The following SOX6 variants were observed in gnomAD, a reference collection of about 807,000 sequenced individuals.
The protein encoded by SOX6 is SRY-box transcription factor 6.
Under a neutral mutation model 97.8 loss-of-function variants are expected in SOX6, and 11 were observed. The observed-to-expected ratio is 0.11, with a 90% CI of 0.07 to 0.19. The LOEUF is 0.19. Ranked by LOEUF, SOX6 falls within the 10% of genes least tolerant of loss-of-function variation. The pLI, the probability that SOX6 is intolerant of heterozygous loss-of-function variation, is 1.00. For synonymous variants in SOX6, 360 were observed against 371.4 expected (o/e 0.97, Z 0.35); for missense variants, 810 against 1,039.5 (o/e 0.78, Z 3.04).
At chr11:16,728,483 A>G (rs2134058405) in intron 2 of SOX6, among the ~76,000 whole-genome samples, 2 of 152,352 alleles carry the variant, frequency 1.3e-5, no homozygotes, top group Middle Eastern at 6.8e-3. Flanking sequence ...CCTGCAGCAG[A>G]GGGGTCTGAC....
chr11:16,321,905 CT>C (rs1855939719), intron 2 of SOX6, among the ~76,000 whole-genome samples: 1 of 152,036 alleles, frequency 6.6e-6, no homozygotes, highest in Non-Finnish European at 1.5e-5. Flanking sequence ...AAATATTAAC[CT>C]TTCATAAGTG....
intron 1 of SOX6, among the ~76,000 whole-genome samples, chr11:16,455,210 A>G (rs950675700): frequency 6.6e-6 from 1 of 152,024 alleles, no homozygotes; most frequent in African/African-American, 2.4e-5. Flanking sequence ...TGATTTCTTT[A>G]CTTCCTTTCA....
intron 4 of SOX6, among the ~76,000 whole-genome samples, chr11:16,506,833 G>A (rs757562793): frequency 3.3e-5 from 5 of 152,140 alleles, no homozygotes; most frequent in Non-Finnish European, 7.4e-5. Context: ...GGAGGCCAAG[G>A]CGGGCAGATC....
chr11:16,376,180 T>C (rs545645300), intron 1 of SOX6, among the ~76,000 whole-genome samples: 25 of 152,106 alleles, frequency 1.6e-4, no homozygotes, highest in Admixed American at 7.2e-4. Flanking sequence ...AGTATAATGA[T>C]AATAATAATT....
intron 3 of SOX6, among the ~76,000 whole-genome samples, chr11:16,242,068 T>C (rs555967694): frequency 1.3e-5 from 2 of 152,164 alleles, no homozygotes; most frequent in African/African-American, 4.8e-5. Flanking sequence ...GAATGTGCTA[T>C]ATTCTAAATT....
intron 7 of SOX6, among the ~76,000 whole-genome samples, chr11:16,106,993 A>C (rs1483998299): frequency 6.6e-6 from 1 of 152,130 alleles, no homozygotes; most frequent in African/African-American, 2.4e-5. Flanking sequence ...GATGATCAGC[A>C]TCATAAATCA....
At chr11:16,112,030 T>C in intron 6 of SOX6, 107 bp from the exon 7 acceptor site, 1 of 1,366,066 alleles carries the variant, frequency 7.3e-7, no homozygotes. Context: ...GCCACCCACC[T>C]CTAACCTCAT....
chr11:16,446,939 T>TG (rs1859623217), intron 1 of SOX6, among the ~76,000 whole-genome samples: 3 of 142,738 alleles, frequency 2.1e-5, no homozygotes, highest in Non-Finnish European at 3.1e-5. Context: ...TGTTTCTTTC[T>TG]TTACTTTCCT....
intron 2 of SOX6, among the ~76,000 whole-genome samples, chr11:16,333,193 C>G (rs999734009): frequency 3.3e-5 from 5 of 152,110 alleles, no homozygotes; most frequent in Non-Finnish European, 7.4e-5. Context: ...GGTTCCTCCT[C>G]CCAAAGTAAT....
At chr11:16,179,545 C>T (rs1047000675) in intron 6 of SOX6, among the ~76,000 whole-genome samples, 4 of 151,776 alleles carry the variant, frequency 2.6e-5, no homozygotes, top group Admixed American at 6.6e-5. Context: ...TTTGCAAAGA[C>T]GCAGCAATGG....
chr11:16,107,395 GTATATATATGTATATATATATACATA>G (rs915013038), intron 7 of SOX6, among the ~76,000 whole-genome samples: 2 of 140,846 alleles, frequency 1.4e-5, no homozygotes, highest in Non-Finnish European at 3.0e-5. Flanking sequence ...ACATATATAT[GTATATATATGTATATATATATACATA>G]TATATACATA....
At chr11:16,379,953 C>T (rs955198716) in intron 1 of SOX6, among the ~76,000 whole-genome samples, 3 of 151,276 alleles carry the variant, frequency 2.0e-5, no homozygotes, top group Admixed American at 1.3e-4. Flanking sequence ...AAATGATATA[C>T]CATTAAATTA....
At chr11:16,615,224 T>A (rs992321728) in intron 3 of SOX6, among the ~76,000 whole-genome samples, 4 of 152,200 alleles carry the variant, frequency 2.6e-5, no homozygotes, top group Non-Finnish European at 5.9e-5. Context: ...AAACCTTAAG[T>A]ATGTAATAGT....
At chr11:16,501,100 A>T (rs1052813305) in intron 4 of SOX6, among the ~76,000 whole-genome samples, 3 of 152,228 alleles carry the variant, frequency 2.0e-5, no homozygotes, top group Admixed American at 6.5e-5. Flanking sequence ...TGGTACTGGT[A>T]CCAAAACAGA....
intron 7 of SOX6, among the ~76,000 whole-genome samples, chr11:16,104,476 T>G (rs1436780749): frequency 6.7e-6 from 1 of 148,512 alleles, no homozygotes; most frequent in Non-Finnish European, 1.5e-5. Flanking sequence ...GTGGAACTCT[T>G]GGAAAAGTTA....
At chr11:16,039,585 A>G (rs955384338) in intron 12 of SOX6, among the ~76,000 whole-genome samples, 2 of 152,086 alleles carry the variant, frequency 1.3e-5, no homozygotes, top group Non-Finnish European at 2.9e-5. Flanking sequence ...CAGAAACTAC[A>G]TGACAATGAT....
chr11:16,433,225 C>G (rs910526720), intron 1 of SOX6, among the ~76,000 whole-genome samples: 5 of 152,006 alleles, frequency 3.3e-5, no homozygotes, highest in African/African-American at 1.2e-4. Context: ...TTTCTCATAA[C>G]AAAACACATC....
chr11:16,360,186 A>C (rs1440286438), upstream of SOX6, among the ~76,000 whole-genome samples: 1 of 152,190 alleles, frequency 6.6e-6, no homozygotes, highest in African/African-American at 2.4e-5. Flanking sequence ...AGGGAGACTG[A>C]GTAGCTGATC....
At chr11:16,005,871 ACG>A in intron 13 of SOX6, among the ~76,000 whole-genome samples, 1 of 152,160 alleles carries the variant, frequency 6.6e-6, no homozygotes, top group Middle Eastern at 3.4e-3. Context: ...ACAGCAAATG[ACG>A]ATGCATTCTT....
Sources: gnomAD v4.1 joint callset for allele counts (sites outside exome capture counted in the v4.1 genomes callset) on GRCh38, gnomAD v4.1.1 for gene constraint, MANE v1.5 for transcripts, NCBI Gene and HGNC (gene_info 2026-07-23, HGNC 2026-07-21) for gene names.